ATP10B: variants seen among roughly 807,000 people sequenced by gnomAD.
ATP10B encodes the protein ATPase phospholipid transporting 10B (putative), also known as phospholipid-transporting ATPase VB.
In ATP10B, 122 loss-of-function variants were observed where a neutral mutation model predicts 141.2. The observed-to-expected ratio is 0.86, with a 90% confidence interval of 0.75 to 1.00. ATP10B has a LOEUF of 1.00. Among genes scored for constraint, ATP10B ranks in the 50% least tolerant of loss-of-function variants. The pLI is 0.00. For synonymous variants in ATP10B, 685 were observed against 692.0 expected (o/e 0.99, Z 0.16); for missense variants, 1,876 against 1,825.3 (o/e 1.03, Z -0.51).
intron 2 of ATP10B, among the ~76,000 whole-genome samples, chr5:160,720,901 G>A (rs746437654): frequency 2.0e-5 from 3 of 152,172 alleles, no homozygotes; most frequent in Non-Finnish European, 2.9e-5. Context: ...CAACTAAGCC[G>A]ATTGCTTTTT....
chr5:160,767,040 G>A (rs1769497470), intron 2 of ATP10B, among the ~76,000 whole-genome samples: 1 of 151,608 alleles, frequency 6.6e-6, no homozygotes, highest in East Asian at 1.9e-4. Flanking sequence ...TGGCTTCGCC[G>A]GGCCACAATG....
chr5:160,686,283 C>A lies in ATP10B; in HGVS notation c.276-10G>T, dbSNP rs1327484758. The A allele has an allele frequency of 2.6e-6, 4 of 1,560,378 alleles. No homozygotes were observed. In the South Asian group the frequency reaches 4.8e-5, roughly 19 times the overall value. ...ATAGAGGTTAGCCCATCTGGAGGGGCAAGCGAAGTGTGAATAAACACTATG... is the reference window on the plus strand; with the variant it reads ...ATAGAGGTTAGCCCATCTGGAGGGGAAAGCGAAGTGTGAATAAACACTATG... On this transcript the variant is annotated splice_polypyrimidine_tract_variant and intron_variant, in intron 5 of 25. Coordinates refer to ENST00000327245, the MANE Select transcript of ATP10B (RefSeq NM_025153.3).
chr5:160,717,788 C>T (rs1008503689), intron 2 of ATP10B, among the ~76,000 whole-genome samples: 1 of 152,230 alleles, frequency 6.6e-6, no homozygotes, highest in East Asian at 1.9e-4. Flanking sequence ...AGAACTGGGG[C>T]CCAAATCTGC....
chr5:160,805,686 G>T (rs1772721692), intron 1 of ATP10B, among the ~76,000 whole-genome samples: 1 of 152,134 alleles, frequency 6.6e-6, no homozygotes. Context: ...CACGGTGTGG[G>T]CAGTGGCCCC....
intron 2 of ATP10B, among the ~76,000 whole-genome samples, chr5:160,743,593 C>A (rs1767622003): frequency 6.6e-6 from 1 of 152,088 alleles, no homozygotes; most frequent in Non-Finnish European, 1.5e-5. Context: ...TGGCCAAGAG[C>A]AAGTGGAATG....
chr5:160,909,561 A>G, the ATP10B span, among the ~76,000 whole-genome samples: 3 of 152,182 alleles, frequency 2.0e-5, no homozygotes, highest in African/African-American at 7.2e-5. Context: ...TAGATATAGA[A>G]GGTAACTGTG....
At chr5:160,921,063 C>T in the ATP10B span, among the ~76,000 whole-genome samples, 10 of 152,188 alleles carry the variant, frequency 6.6e-5, no homozygotes, top group Non-Finnish European at 1.2e-4. Context: ...TCCCCACCTT[C>T]CCCGCTATGG....
At chr5:160,873,784 G>A in the ATP10B span, among the ~76,000 whole-genome samples, 1 of 152,250 alleles carries the variant, frequency 6.6e-6, no homozygotes, top group Admixed American at 6.5e-5. Flanking sequence ...GACGGCACCA[G>A]GAAAATTGGG....
At chr5:160,851,647 C>T (rs1753822518) in intron 1 of ATP10B, among the ~76,000 whole-genome samples, 1 of 152,138 alleles carries the variant, frequency 6.6e-6, no homozygotes, top group South Asian at 2.1e-4. Context: ...TGCAGGATAG[C>T]AGGATATATT....
intron 2 of ATP10B, among the ~76,000 whole-genome samples, chr5:160,739,927 T>A (rs1359343161): frequency 6.6e-6 from 1 of 152,072 alleles, no homozygotes; most frequent in South Asian, 2.1e-4. Context: ...TCCTACTGCC[T>A]CAGTCCTCTA....
intron 22 of ATP10B, among the ~76,000 whole-genome samples, chr5:160,593,742 G>C (rs960078088): frequency 6.6e-6 from 1 of 152,204 alleles, no homozygotes; most frequent in African/African-American, 2.4e-5. Flanking sequence ...GAAAGCCAAG[G>C]CTCGAGAACT....
At chr5:160,615,478 G>C (rs1323011752) in intron 17 of ATP10B, among the ~76,000 whole-genome samples, 1 of 151,328 alleles carries the variant, frequency 6.6e-6, no homozygotes, top group African/African-American at 2.4e-5. Context: ...GATCTGGGAG[G>C]GCAGACTTTT....
intron 2 of ATP10B, among the ~76,000 whole-genome samples, chr5:160,721,873 C>T (rs1295985306): frequency 6.6e-6 from 1 of 152,226 alleles, no homozygotes; most frequent in Non-Finnish European, 1.5e-5. Context: ...AAAGCTGGTC[C>T]TGTCTTGGAG....
chr5:160,791,233 C>T (rs79506573), intron 1 of ATP10B, among the ~76,000 whole-genome samples: 2,358 of 152,256 alleles, frequency 0.015, 57 homozygotes, highest in African/African-American at 0.054. Flanking sequence ...GGACTTCTGA[C>T]TTACAGAACT....
At chr5:160,897,397 AACAG>A in the ATP10B span, among the ~76,000 whole-genome samples, 1 of 152,230 alleles carries the variant, frequency 6.6e-6, no homozygotes, top group Non-Finnish European at 1.5e-5. Context: ...ATACACCAAT[AACAG>A]ACAAACAGAG....
At chr5:160,664,580 C>T (rs1486536360) in intron 7 of ATP10B, among the ~76,000 whole-genome samples, 1 of 152,204 alleles carries the variant, frequency 6.6e-6, no homozygotes, top group African/African-American at 2.4e-5. Context: ...CTTTCATGTA[C>T]ACATGAATCA....
intron 1 of ATP10B, among the ~76,000 whole-genome samples, chr5:160,850,960 C>A (rs946299357): frequency 6.6e-6 from 1 of 152,180 alleles, no homozygotes; most frequent in African/African-American, 2.4e-5. Context: ...CATCTGTGAT[C>A]TGCCTGATTA....
chr5:160,685,139 A>G (rs1443201293), intron 6 of ATP10B: 2 of 698,916 alleles, frequency 2.9e-6, no homozygotes, highest in African/African-American at 1.7e-5. Context: ...TTGTGAGACC[A>G]TCCTTCAAAG....
chr5:160,766,612 A>G (rs1244462183), intron 2 of ATP10B, among the ~76,000 whole-genome samples: 1 of 152,136 alleles, frequency 6.6e-6, no homozygotes, highest in Non-Finnish European at 1.5e-5. Context: ...GAGGGAGATG[A>G]GGGATAAAGA....
Sources: allele counts gnomAD v4.1 joint callset (sites outside exome capture counted in the v4.1 genomes callset), GRCh38; gene constraint gnomAD v4.1.1; transcripts MANE v1.5; gene names NCBI Gene and HGNC (gene_info 2026-07-23, HGNC 2026-07-21).